The following SH3RF3 variants were observed in gnomAD, a reference collection of about 807,000 sequenced individuals.
SH3RF3 encodes the protein SH3 domain containing ring finger 3, also known as E3 ubiquitin-protein ligase SH3RF3.
Under a neutral mutation model 66.3 loss-of-function variants are expected in SH3RF3, and 29 were observed. That is an observed-to-expected ratio of 0.44 (90% CI 0.33 to 0.60). The LOEUF is 0.60. Among genes scored for constraint, SH3RF3 ranks in the 20% least tolerant of loss-of-function variants. SH3RF3 has a pLI of 0.04. For missense variants in SH3RF3, 1,194 were observed against 1,190.9 expected, an observed-to-expected ratio of 1.00 and a Z score of -0.04; for synonymous variants, 583 against 532.0, an observed-to-expected ratio of 1.10 and a Z score of -1.32.
chr2:109,381,427 A>T (rs1326506775), intron 3 of SH3RF3, among the ~76,000 whole-genome samples: 1 of 152,116 alleles, frequency 6.6e-6, no homozygotes, highest in African/African-American at 2.4e-5. Context: ...TGGTCTCAGC[A>T]CGCACACCCA....
chr2:109,424,263 T>G (rs369198904), intron 5 of SH3RF3, among the ~76,000 whole-genome samples: 43 of 152,190 alleles, frequency 2.8e-4, no homozygotes, highest in African/African-American at 7.5e-4. Flanking sequence ...GGCTGCCCTT[T>G]GAAGGGGCAG....
intron 1 of SH3RF3, among the ~76,000 whole-genome samples, chr2:109,267,769 G>A (rs990754035): frequency 3.3e-5 from 5 of 152,344 alleles, no homozygotes; most frequent in South Asian, 2.1e-4. Context: ...ACAGTTCTGC[G>A]TCTGTCCCTG....
In SH3RF3 at chr2:109,428,778, T is replaced by C. The variant is rs545311134; in HGVS notation, c.1404-3723T>C. 1.3e-4 allele frequency among the ~76,000 whole-genome samples: 20 copies of C among 152,294 alleles called. No individual in the cohort carries two copies. The East Asian group carries it at 2.7e-3, about 21-fold the overall frequency. On this transcript the variant is annotated intron_variant, in intron 5 of 9. Coordinates refer to ENST00000309415, the MANE Select transcript of SH3RF3 (RefSeq NM_001099289.3). ...TGGCCTTGGCTGGTCTCGAGTGTTA[T>C]GGAGATGCCCTGAGCACTCCGCAGG...
chr2:109,180,720 G>A (rs915964845), intron 1 of SH3RF3, among the ~76,000 whole-genome samples: 1 of 152,134 alleles, frequency 6.6e-6, no homozygotes, highest in Non-Finnish European at 1.5e-5. Flanking sequence ...CACCACCATT[G>A]TGAGGCTTCC....
Position 109,168,879 on chromosome 2 carries a change from A to G in SH3RF3, c.573+38766A>G, listed in dbSNP as rs112206615. Among the ~76,000 whole-genome samples, 759 of 152,336 alleles carry G rather than the reference A, an allele frequency of 5.0e-3. 7 individuals carry two copies. Among genetic ancestry groups the G allele is most frequent in the African/African-American group, 0.017 (710 of 41,564 alleles). The stretch of plus-strand genomic sequence containing the variant: ...TGGAAACAAATGAATGGAACGCTGC[A>G]TGCTGGCCTGTTCTCTGCTGTATCT... On this transcript the variant is annotated intron_variant, in intron 1 of 9. Transcript: ENST00000309415.
At chr2:109,425,698 G>GA (rs35729518) in intron 5 of SH3RF3, among the ~76,000 whole-genome samples, 6,578 of 151,576 alleles carry the variant, frequency 0.043, 470 homozygotes, top group African/African-American at 0.15. Context: ...CTACTGCTCA[G>GA]AAAAAAAAGA....
rs573259973 is a variant in SH3RF3 at position 109,500,486 on chromosome 2, G to A, written c.2481-1017G>A. Among the ~76,000 whole-genome samples, 123 of 152,288 alleles carry A rather than the reference G, an allele frequency of 8.1e-4. 1 individual carries two copies. The highest frequency in any genetic ancestry group is 2.8e-3 in the African/African-American group (118 of 41,564). On this transcript the variant is annotated intron_variant, in intron 9 of 9. Coordinates refer to ENST00000309415, the MANE Select transcript of SH3RF3 (RefSeq NM_001099289.3). ...TCTGATTCCACACTACAGCATATTG[G>A]TCTGAAGACAGGGACTCCAAAGAGG...
At chr2:109,280,623 C>T (rs944356612) in intron 1 of SH3RF3, among the ~76,000 whole-genome samples, 1 of 152,248 alleles carries the variant, frequency 6.6e-6, no homozygotes, top group Non-Finnish European at 1.5e-5. Context: ...ACAATCTACA[C>T]TAATAGATCT....
chr2:109,172,700 A>G (rs1574486823), intron 1 of SH3RF3, among the ~76,000 whole-genome samples: 2 of 152,184 alleles, frequency 1.3e-5, no homozygotes, highest in African/African-American at 2.4e-5. Context: ...TGTCTTAGAA[A>G]TGGGGACACA....
chr2:109,305,014 T>G (rs994627960), intron 1 of SH3RF3, among the ~76,000 whole-genome samples: 36 of 152,352 alleles, frequency 2.4e-4, no homozygotes, highest in Admixed American at 2.2e-3. Context: ...TCTGGATATC[T>G]GGTTTCACTG....
intron 1 of SH3RF3, among the ~76,000 whole-genome samples, chr2:109,193,861 G>T (rs1678430116): frequency 6.6e-6 from 1 of 152,176 alleles, no homozygotes; most frequent in African/African-American, 2.4e-5. Flanking sequence ...CCCGGGGATG[G>T]GTTTTCTGAT....
At chr2:109,292,674 G>C (rs541622182) in intron 1 of SH3RF3, among the ~76,000 whole-genome samples, 1 of 152,234 alleles carries the variant, frequency 6.6e-6, no homozygotes, top group Admixed American at 6.5e-5. Flanking sequence ...TTTTGGGATG[G>C]TGCTGAGAGG....
intron 1 of SH3RF3, among the ~76,000 whole-genome samples, chr2:109,294,820 C>G (rs1022884290): frequency 2.0e-5 from 3 of 152,152 alleles, no homozygotes; most frequent in Non-Finnish European, 2.9e-5. Flanking sequence ...CAGGCTTAGC[C>G]AAGCCTCTGC....
chr2:109,187,937 C>A (rs1005464852), intron 1 of SH3RF3, among the ~76,000 whole-genome samples: 4 of 152,180 alleles, frequency 2.6e-5, no homozygotes, highest in Admixed American at 2.6e-4. Context: ...CTCAGGAACC[C>A]CTCAGAGCAG....
intron 1 of SH3RF3, among the ~76,000 whole-genome samples, chr2:109,336,112 T>C (rs956603237): frequency 1.3e-5 from 2 of 152,142 alleles, no homozygotes; most frequent in African/African-American, 4.8e-5. Context: ...CTTTAATATT[T>C]TAGGAAGTTC....
At chr2:109,195,536 A>G (rs547304799) in intron 1 of SH3RF3, among the ~76,000 whole-genome samples, 2 of 152,338 alleles carry the variant, frequency 1.3e-5, no homozygotes, top group Non-Finnish European at 2.9e-5. Flanking sequence ...GGCCTGCTTA[A>G]TTAAGTTTCC....
intron 1 of SH3RF3, among the ~76,000 whole-genome samples, chr2:109,272,476 G>A (rs1258314282): frequency 6.6e-6 from 1 of 152,226 alleles, no homozygotes. Context: ...TGTGTGGGAC[G>A]CAGGGAGCCC....
intron 1 of SH3RF3, among the ~76,000 whole-genome samples, chr2:109,159,655 G>C (rs916777947): frequency 1.3e-5 from 2 of 152,348 alleles, no homozygotes; most frequent in East Asian, 1.9e-4. Flanking sequence ...AGCAGGAGGT[G>C]AGTGGCGGGA....
At chr2:109,448,243 C>G (rs1239192259) in intron 7 of SH3RF3, among the ~76,000 whole-genome samples, 1 of 152,190 alleles carries the variant, frequency 6.6e-6, no homozygotes. Context: ...TGTTTATGAG[C>G]ATTTTACAAC....
Sources: gnomAD v4.1 joint callset for allele counts (sites outside exome capture counted in the v4.1 genomes callset) on GRCh38, gnomAD v4.1.1 for gene constraint, MANE v1.5 for transcripts, NCBI Gene and HGNC (gene_info 2026-07-23, HGNC 2026-07-21) for gene names.